LARGE1: variants seen among roughly 807,000 people sequenced by gnomAD.
The protein encoded by LARGE1 is xylosyl- and glucuronyltransferase LARGE1.
In LARGE1, 43 loss-of-function variants were observed where a neutral mutation model predicts 87.6. The observed-to-expected ratio is 0.49, with a 90% CI of 0.38 to 0.63. The LOEUF (loss-of-function observed/expected upper bound fraction) is 0.63, where lower values mean the gene tolerates loss of function less well. LARGE1 is among the 30% of genes least tolerant of loss of function. LARGE1 has a pLI of 0.00. For synonymous variants in LARGE1, 434 were observed against 394.6 expected (o/e 1.10, Z -1.18); for missense variants, 802 against 1,000.2 (o/e 0.80, Z 2.67).
At chr22:33,883,716 G>C (rs544533948) in intron 1 of LARGE1, among the ~76,000 whole-genome samples, 1 of 152,262 alleles carries the variant, frequency 6.6e-6, no homozygotes, top group Non-Finnish European at 1.5e-5. Flanking sequence ...CATGGGCCTC[G>C]GCTCTTTCCC....
Position 33,564,782 on chromosome 22 carries a change from A to G in LARGE1, c.787+66T>C, listed in dbSNP as rs979952244. ...AGACCTCACCTTTTTAAAAAAGTCA[A>G]CCCCTATTCTTGGCATGCTGATACC... On this transcript the variant is annotated intron_variant, in intron 6 of 14. Coordinates refer to ENST00000397394, the MANE Select transcript of LARGE1 (RefSeq NM_133642.5). 22 of 1,554,430 alleles carry G rather than the reference A, an allele frequency of 1.4e-5. No individual in the cohort carries two copies. The African/African-American group carries it at 2.0e-4, about 14-fold the overall frequency.
chr22:33,708,831 C>A (rs2082640048), intron 2 of LARGE1, among the ~76,000 whole-genome samples: 1 of 152,138 alleles, frequency 6.6e-6, no homozygotes, highest in Admixed American at 6.5e-5. Context: ...GAACTCCTGA[C>A]CTCGTGATCC....
At chr22:33,792,035 T>TGCAGAGCC (rs2085840091) in intron 1 of LARGE1, among the ~76,000 whole-genome samples, 1 of 152,206 alleles carries the variant, frequency 6.6e-6, no homozygotes, top group Admixed American at 6.5e-5. Context: ...AGAGCCTAAA[T>TGCAGAGCC]GCAGAGCCTC....
At chr22:33,789,936 T>A (rs2085770019) in intron 1 of LARGE1, among the ~76,000 whole-genome samples, 1 of 152,120 alleles carries the variant, frequency 6.6e-6, no homozygotes, top group Admixed American at 6.5e-5. Context: ...AATGCTGAAA[T>A]GAGTTGAGAC....
At chr22:33,291,296 A>G (rs1282891387) in intron 12 of LARGE1, among the ~76,000 whole-genome samples, 3 of 152,212 alleles carry the variant, frequency 2.0e-5, no homozygotes, top group African/African-American at 7.2e-5. Flanking sequence ...AATCAGACCC[A>G]TCCTGGAGTC....
intron 11 of LARGE1, among the ~76,000 whole-genome samples, chr22:33,259,594 C>T (rs1341204639): frequency 6.6e-6 from 1 of 152,184 alleles, no homozygotes; most frequent in African/African-American, 2.4e-5. Context: ...AACTACAGAG[C>T]TTATTCTGAT....
chr22:33,826,497 C>T (rs1007586244), intron 1 of LARGE1, among the ~76,000 whole-genome samples: 10 of 152,058 alleles, frequency 6.6e-5, no homozygotes, highest in African/African-American at 1.9e-4. Context: ...CATCCACCAC[C>T]GCACCCGGCT....
chr22:33,096,155 C>T, the LARGE1 span, among the ~76,000 whole-genome samples: 3 of 152,132 alleles, frequency 2.0e-5, no homozygotes, highest in Non-Finnish European at 4.4e-5. Context: ...GTGGCTCATG[C>T]CTGTAATCCC....
chr22:33,845,324 T>C (rs942509019), intron 1 of LARGE1, among the ~76,000 whole-genome samples: 2 of 152,178 alleles, frequency 1.3e-5, no homozygotes, highest in Non-Finnish European at 2.9e-5. Context: ...TTTTTAGTTT[T>C]TGAGACAGAG....
chr22:33,868,117 C>A (rs1409039082), intron 1 of LARGE1, among the ~76,000 whole-genome samples: 1 of 152,194 alleles, frequency 6.6e-6, no homozygotes, highest in East Asian at 1.9e-4. Context: ...AGAATTCATA[C>A]CAGCAACCTC....
chr22:33,874,306 G>GT (rs1213448796), intron 1 of LARGE1, among the ~76,000 whole-genome samples: 1 of 152,036 alleles, frequency 6.6e-6, no homozygotes, highest in Non-Finnish European at 1.5e-5. Flanking sequence ...TGGTCTTCAG[G>GT]TTTTCACTCC....
chr22:33,484,047 A>G (rs2069456850), intron 6 of LARGE1, among the ~76,000 whole-genome samples: 1 of 152,184 alleles, frequency 6.6e-6, no homozygotes, highest in South Asian at 2.1e-4. Flanking sequence ...ATTGCTACAA[A>G]TACATTTATC....
chr22:33,349,758 C>T (rs919953289), intron 9 of LARGE1, among the ~76,000 whole-genome samples: 2 of 152,138 alleles, frequency 1.3e-5, no homozygotes, highest in Admixed American at 1.3e-4. Context: ...GGAAGTTTTG[C>T]CACAGTGCAG....
intron 6 of LARGE1, among the ~76,000 whole-genome samples, chr22:33,435,581 A>G (rs545589812): frequency 2.3e-4 from 35 of 152,200 alleles, no homozygotes; most frequent in Middle Eastern, 3.4e-3. Flanking sequence ...CCTTCCACCC[A>G]GCTCTGGGAA....
intron 11 of LARGE1, among the ~76,000 whole-genome samples, chr22:33,186,898 A>G (rs994850605): frequency 2.5e-4 from 38 of 152,206 alleles, no homozygotes; most frequent in African/African-American, 8.0e-4. Context: ...TTAGATATAT[A>G]AATTTATGTA....
At chr22:33,073,935 G>A in the LARGE1 span, among the ~76,000 whole-genome samples, 10 of 152,274 alleles carry the variant, frequency 6.6e-5, no homozygotes, top group African/African-American at 2.2e-4. Flanking sequence ...ATGGCAGCAT[G>A]AGGGCATCCA....
intron 6 of LARGE1, among the ~76,000 whole-genome samples, chr22:33,542,139 G>A (rs145934228): frequency 0.012 from 1,427 of 120,964 alleles, 23 homozygotes; most frequent in African/African-American, 0.042. Context: ...TCCAGCCTGA[G>A]CAACAAGAGC....
chr22:33,301,948 TTAAA>T (rs1934205181), intron 12 of LARGE1, among the ~76,000 whole-genome samples: 1 of 152,112 alleles, frequency 6.6e-6, no homozygotes, highest in African/African-American at 2.4e-5. Context: ...GGTCAAATAA[TTAAA>T]TAGTCCTTGC....
chr22:33,824,100 G>T (rs1282561847), intron 1 of LARGE1, among the ~76,000 whole-genome samples: 2 of 152,154 alleles, frequency 1.3e-5, no homozygotes, highest in South Asian at 2.1e-4. Flanking sequence ...AGACCCAAAA[G>T]GTTGATGCCA....
Sources: gnomAD v4.1 joint callset for allele counts (sites outside exome capture counted in the v4.1 genomes callset) on GRCh38, gnomAD v4.1.1 for gene constraint, MANE v1.5 for transcripts, NCBI Gene and HGNC (gene_info 2026-07-23, HGNC 2026-07-21) for gene names.